The following MRPS27 variants were observed in gnomAD, a reference collection of about 807,000 sequenced individuals.
The protein encoded by MRPS27 is small ribosomal subunit protein mS27.
A neutral mutation model predicts 48.9 loss-of-function variants in MRPS27; 43 were observed. The observed-to-expected ratio is 0.88, with a 90% CI of 0.69 to 1.13. MRPS27 has a LOEUF of 1.13. Ranked by LOEUF, MRPS27 falls within the 50% of genes most tolerant of loss-of-function variation. MRPS27 has a pLI of 0.00. For synonymous variants in MRPS27, 188 were observed against 171.9 expected (o/e 1.09, Z -0.73); for missense variants, 467 against 476.3 (o/e 0.98, Z 0.18).
At chr5:72,272,411 T>C (rs1749272466) in intron 4 of MRPS27, among the ~76,000 whole-genome samples, 1 of 152,228 alleles carries the variant, frequency 6.6e-6, no homozygotes, top group Non-Finnish European at 1.5e-5. Flanking sequence ...TCTTTCCTTC[T>C]GGGATTATGG....
intron 1 of MRPS27, among the ~76,000 whole-genome samples, chr5:72,315,993 G>A (rs1750554511): frequency 6.6e-6 from 1 of 152,174 alleles, no homozygotes; most frequent in Non-Finnish European, 1.5e-5. Context: ...ATCAATTGAT[G>A]AATAAACAAA....
intron 10 of MRPS27, 77 bp from the exon 11 acceptor site, chr5:72,221,225 T>C: frequency 1.3e-6 from 2 of 1,520,284 alleles, no homozygotes; most frequent in Non-Finnish European, 8.9e-7. Context: ...AAACTAGCCC[T>C]GAGTGACTGA....
At chr5:72,254,552 G>A (rs531606350) in intron 4 of MRPS27, among the ~76,000 whole-genome samples, 5 of 152,292 alleles carry the variant, frequency 3.3e-5, no homozygotes, top group Admixed American at 6.5e-5. Context: ...GCTTTACATG[G>A]AGGGGAAAGT....
In MRPS27 at chr5:72,297,709, A is replaced by C; in HGVS notation, c.152-7T>G. On this transcript the variant is annotated splice_region_variant and splice_polypyrimidine_tract_variant and intron_variant, in intron 2 of 10. Coordinates refer to ENST00000261413, the MANE Select transcript of MRPS27 (RefSeq NM_015084.3). ...ATTAAAGATGCAAGATCAGCTGTGA[A>C]GACAAAAAAAGAAAAAAAACCTTGT... 6.4e-7 allele frequency: 1 copy of C among 1,552,102 alleles called. No individual in the cohort carries two copies. The highest frequency in any genetic ancestry group is 8.7e-7 in the Non-Finnish European group (1 of 1,151,482).
chr5:72,253,153 G>A (rs956779331), intron 4 of MRPS27, among the ~76,000 whole-genome samples: 3 of 152,078 alleles, frequency 2.0e-5, no homozygotes, highest in Non-Finnish European at 2.9e-5. Context: ...CTCTCCTGCC[G>A]GCTTAGGTTG....
intron 4 of MRPS27, among the ~76,000 whole-genome samples, chr5:72,271,219 G>A (rs1051639222): frequency 6.6e-6 from 1 of 152,100 alleles, no homozygotes; most frequent in Non-Finnish European, 1.5e-5. Context: ...TAATATGGTT[G>A]GATATGTAGG....
At chr5:72,224,648 A>G (rs945228967) in intron 9 of MRPS27, among the ~76,000 whole-genome samples, 8 of 152,220 alleles carry the variant, frequency 5.3e-5, no homozygotes, top group African/African-American at 1.9e-4. Flanking sequence ...TTTAGCTCAC[A>G]TGGTATCTGT....
At chr5:72,252,826 T>C (rs1748702531) in intron 4 of MRPS27, among the ~76,000 whole-genome samples, 1 of 152,174 alleles carries the variant, frequency 6.6e-6, no homozygotes, top group African/African-American at 2.4e-5. Flanking sequence ...TGCTATTTTG[T>C]TGGGGGACCG....
intron 4 of MRPS27, among the ~76,000 whole-genome samples, chr5:72,279,577 C>T (rs756339906): frequency 4.7e-4 from 72 of 151,964 alleles, no homozygotes; most frequent in Admixed American, 2.8e-3. Context: ...AGCAACACAG[C>T]GAGACCCTGT....
chr5:72,252,520 C>T (rs1006733849), intron 4 of MRPS27, among the ~76,000 whole-genome samples: 3 of 152,074 alleles, frequency 2.0e-5, no homozygotes, highest in African/African-American at 4.8e-5. Context: ...ACATTTTCCC[C>T]TTTTTACAAA....
intron 4 of MRPS27, among the ~76,000 whole-genome samples, chr5:72,287,986 G>GAC (rs1749719394): frequency 6.6e-6 from 1 of 152,186 alleles, no homozygotes; most frequent in African/African-American, 2.4e-5. Context: ...TACTCCTAGG[G>GAC]ACTCAGGACT....
At chr5:72,247,554 A>G (rs1418302704) in intron 4 of MRPS27, among the ~76,000 whole-genome samples, 1 of 152,192 alleles carries the variant, frequency 6.6e-6, no homozygotes, top group Non-Finnish European at 1.5e-5. Context: ...GCAAATTGGC[A>G]TCTAAAATTT....
intron 1 of MRPS27, among the ~76,000 whole-genome samples, chr5:72,315,716 A>G (rs1441668472): frequency 1.3e-5 from 2 of 152,210 alleles, no homozygotes; most frequent in Admixed American, 1.3e-4. Flanking sequence ...CACCATCAAA[A>G]AACAGATAAT....
At position 72,265,008 on chromosome 5, in the gene MRPS27, G is replaced by A. The variant is rs74410291; in HGVS notation, c.282-26880C>T. On this transcript the variant is annotated intron_variant, in intron 4 of 10. Transcript: ENST00000261413. The stretch of plus-strand genomic sequence containing the variant: ...GATATGAACTTCAGAGTACTTCTAT[G>A]GGAAGAACTTGAGAAAATTATTCTA... Among the ~76,000 whole-genome samples the A allele has an allele frequency of 3.7e-3, 566 of 152,258 alleles. 1 individual carries two copies. The highest frequency in any genetic ancestry group is 0.013 in the African/African-American group (550 of 41,550).
intron 2 of MRPS27, among the ~76,000 whole-genome samples, chr5:72,304,849 C>T (rs925214810): frequency 6.6e-6 from 1 of 152,178 alleles, no homozygotes; most frequent in African/African-American, 2.4e-5. Flanking sequence ...TTACTGTTAA[C>T]CTTTCAGGCA....
At chr5:72,267,944 A>G (rs1749143284) in intron 4 of MRPS27, among the ~76,000 whole-genome samples, 1 of 152,218 alleles carries the variant, frequency 6.6e-6, no homozygotes, top group Non-Finnish European at 1.5e-5. Flanking sequence ...TAGAGCCCAA[A>G]CAATTACTAT....
chr5:72,265,400 G>C (rs1749083790), intron 4 of MRPS27, among the ~76,000 whole-genome samples: 1 of 152,214 alleles, frequency 6.6e-6, no homozygotes, highest in Non-Finnish European at 1.5e-5. Context: ...CACAGCAAGA[G>C]CAGTGCCCAG....
At chr5:72,232,990 A>G (rs1458251198) in intron 6 of MRPS27, among the ~76,000 whole-genome samples, 2 of 151,012 alleles carry the variant, frequency 1.3e-5, no homozygotes, top group African/African-American at 5.0e-5. Context: ...AAGGAGACAC[A>G]TATATTCTCA....
intron 4 of MRPS27, among the ~76,000 whole-genome samples, chr5:72,281,231 C>T (rs2112033855): frequency 6.6e-6 from 1 of 152,312 alleles, no homozygotes; most frequent in East Asian, 1.9e-4. Flanking sequence ...GAGCACTGAC[C>T]TTCTTTGTCC....
Sources: allele counts gnomAD v4.1 joint callset (sites outside exome capture counted in the v4.1 genomes callset), GRCh38; gene constraint gnomAD v4.1.1; transcripts MANE v1.5; gene names NCBI Gene and HGNC (gene_info 2026-07-23, HGNC 2026-07-21).